The following ASTN2 variants were observed in gnomAD, a reference collection of about 807,000 sequenced individuals.
ASTN2 encodes the protein astrotactin-2.
In ASTN2, 54 loss-of-function variants were observed where a neutral mutation model predicts 139.8. The observed-to-expected ratio is 0.39, with a 90% confidence interval of 0.31 to 0.48. The LOEUF (loss-of-function observed/expected upper bound fraction) is 0.48. Ranked by LOEUF, ASTN2 falls within the 20% of genes least tolerant of loss-of-function variation. ASTN2 has a pLI of 0.95. For synonymous variants in ASTN2, 756 were observed against 719.5 expected (o/e 1.05, Z -0.81); for missense variants, 1,565 against 1,725.1 (o/e 0.91, Z 1.64).
chr9:116,651,476 AG>A, intron 17 of ASTN2, 51 bp downstream of exon 17: 3 of 1,589,576 alleles, frequency 1.9e-6, no homozygotes, highest in Non-Finnish European at 2.6e-6. Context: ...CAAGGGTAGG[AG>A]GTAGGAGGGC....
At chr9:116,431,608 A>G (rs1847499678) in intron 22 of ASTN2, among the ~76,000 whole-genome samples, 1 of 152,206 alleles carries the variant, frequency 6.6e-6, no homozygotes, top group South Asian at 2.1e-4. Flanking sequence ...GATTTAGGCC[A>G]TTAGTTACAT....
At chr9:117,193,663 G>GA (rs1831411097) in intron 3 of ASTN2, among the ~76,000 whole-genome samples, 4 of 132,184 alleles carry the variant, frequency 3.0e-5, no homozygotes, top group African/African-American at 8.3e-5. Context: ...AAAAGAAAAA[G>GA]AAAAGAAAAT....
chr9:117,247,616 C>G (rs568957058), intron 2 of ASTN2, among the ~76,000 whole-genome samples: 1 of 152,212 alleles, frequency 6.6e-6, no homozygotes, highest in Admixed American at 6.5e-5. Context: ...AAAACAAAAA[C>G]AAAAACTGTC....
At chr9:116,820,479 A>G (rs926632691) in intron 12 of ASTN2, 138 bp downstream of exon 12, 25 of 1,157,116 alleles carry the variant, frequency 2.2e-5, no homozygotes, top group Admixed American at 1.5e-4. Context: ...TGGCTCTTGG[A>G]CTAAAACAGG....
intron 13 of ASTN2, among the ~76,000 whole-genome samples, chr9:116,786,958 C>T (rs1830394970): frequency 6.6e-6 from 1 of 152,122 alleles, no homozygotes; most frequent in Admixed American, 6.6e-5. Context: ...AGGGGCTTCC[C>T]CTTTCACTGG....
chr9:116,577,438 C>CAGA (rs138558173), intron 19 of ASTN2, among the ~76,000 whole-genome samples: 1 of 151,690 alleles, frequency 6.6e-6, no homozygotes, highest in African/African-American at 2.4e-5. Context: ...GGGGCTGAGG[C>CAGA]AGGATCACTT....
chr9:117,385,288 C>A (rs758998598), intron 1 of ASTN2, among the ~76,000 whole-genome samples: 2 of 152,098 alleles, frequency 1.3e-5, no homozygotes, highest in African/African-American at 2.4e-5. Context: ...CTGTGCCCAG[C>A]CATAAGGGAA....
At chr9:117,311,892 C>T (rs1667260406) in intron 1 of ASTN2, among the ~76,000 whole-genome samples, 1 of 152,088 alleles carries the variant, frequency 6.6e-6, no homozygotes, top group South Asian at 2.1e-4. Context: ...CCTAATTTGC[C>T]TCAGGAAGAA....
At chr9:117,172,873 T>G (rs755653423) in intron 3 of ASTN2, among the ~76,000 whole-genome samples, 10 of 152,164 alleles carry the variant, frequency 6.6e-5, no homozygotes, top group Non-Finnish European at 1.0e-4. Context: ...GAATCTTTGC[T>G]CATCCCACAC....
At chr9:116,712,837 G>A (rs1828203887) in intron 16 of ASTN2, among the ~76,000 whole-genome samples, 1 of 152,194 alleles carries the variant, frequency 6.6e-6, no homozygotes, top group Non-Finnish European at 1.5e-5. Context: ...CAATAAAGCT[G>A]TTACGAACGT....
intron 5 of ASTN2, among the ~76,000 whole-genome samples, chr9:117,077,021 T>G (rs1229827230): frequency 6.6e-6 from 1 of 152,142 alleles, no homozygotes; most frequent in Admixed American, 6.5e-5. Flanking sequence ...GACGCATGGG[T>G]AACAAATTTC....
intron 19 of ASTN2, among the ~76,000 whole-genome samples, chr9:116,569,240 T>G (rs1853389437): frequency 6.6e-6 from 1 of 152,182 alleles, no homozygotes; most frequent in East Asian, 1.9e-4. Flanking sequence ...GTGCAACCCA[T>G]GGCAAGCCAC....
intron 19 of ASTN2, among the ~76,000 whole-genome samples, chr9:116,504,912 A>AC (rs1850043661): frequency 6.6e-6 from 1 of 150,972 alleles, no homozygotes; most frequent in African/African-American, 2.4e-5. Context: ...AAAAAAAAAA[A>AC]AACCCAAAAC....
At chr9:117,200,853 G>GT (rs1324862376) in intron 3 of ASTN2, among the ~76,000 whole-genome samples, 13 of 152,090 alleles carry the variant, frequency 8.5e-5, no homozygotes, top group Admixed American at 8.5e-4. Flanking sequence ...CCCAGTTTTG[G>GT]TATCAGGATG....
chr9:116,884,809 C>CCCCG (rs1833550734), intron 10 of ASTN2, among the ~76,000 whole-genome samples: 1 of 122,296 alleles, frequency 8.2e-6, no homozygotes, highest in Non-Finnish European at 1.7e-5. Context: ...ATCCGCCCCC[C>CCCCG]CCCCACCCAC....
chr9:116,918,360 A>C (rs1834511117), intron 10 of ASTN2, among the ~76,000 whole-genome samples: 1 of 152,044 alleles, frequency 6.6e-6, no homozygotes, highest in Non-Finnish European at 1.5e-5. Context: ...TAGACAATGA[A>C]ATTTCCTGTC....
intron 6 of ASTN2, among the ~76,000 whole-genome samples, chr9:117,039,015 G>A (rs1564396418): frequency 6.6e-6 from 1 of 152,168 alleles, no homozygotes; most frequent in Non-Finnish European, 1.5e-5. Context: ...AACTCATACA[G>A]TCTTCCTTGT....
At chr9:117,074,617 A>G (rs113463822) in intron 5 of ASTN2, among the ~76,000 whole-genome samples, 5,840 of 152,284 alleles carry the variant, frequency 0.038, 403 homozygotes, top group African/African-American at 0.13. Flanking sequence ...CTGTCAGAAC[A>G]GCAGAAGTGG....
At position 116,567,664 on chromosome 9, in the gene ASTN2, G is replaced by T. The variant is rs79818445; in HGVS notation, c.3355+50660C>A. On this transcript the variant is annotated intron_variant, in intron 19 of 22. Coordinates refer to ENST00000313400, the MANE Select transcript of ASTN2 (RefSeq NM_001365068.1). Reference sequence around the variant, plus strand: ...CAGAAGACAGCAAGACCAGTAAGAGGTGGTTTAAATAAGAGACATAAAGTA... The same window carrying T: ...CAGAAGACAGCAAGACCAGTAAGAGTTGGTTTAAATAAGAGACATAAAGTA... 0.019 allele frequency among the ~76,000 whole-genome samples: 2,881 copies of T among 152,246 alleles called. 393 individuals are homozygous for T. The South Asian group carries it at 0.29, about 16-fold the overall frequency.
Sources: allele counts gnomAD v4.1 joint callset (sites outside exome capture counted in the v4.1 genomes callset), GRCh38; gene constraint gnomAD v4.1.1; transcripts MANE v1.5; gene names NCBI Gene and HGNC (gene_info 2026-07-23, HGNC 2026-07-21).